The following ZFHX3 variants were observed in gnomAD, a reference collection of about 807,000 sequenced individuals.
The protein encoded by ZFHX3 is zinc finger homeobox 3.
In ZFHX3, 42 loss-of-function variants were observed where a neutral mutation model predicts 279.1. The ratio of observed to expected loss-of-function variants is 0.15; its 90% CI spans 0.12 to 0.19. The LOEUF (loss-of-function observed/expected upper bound fraction) is 0.19. ZFHX3 is among the 10% of genes least tolerant of loss of function. The pLI, the probability that ZFHX3 is intolerant of heterozygous loss-of-function variation, is 1.00. For missense variants in ZFHX3, 4,981 were observed against 4,754.0 expected (o/e 1.05, Z -1.40); for synonymous variants, 2,293 against 1,957.8 (o/e 1.17, Z -4.52).
chr16:73,535,027 C>A (rs952904833), intron 2 of ZFHX3, among the ~76,000 whole-genome samples: 3 of 151,770 alleles, frequency 2.0e-5, no homozygotes, highest in Non-Finnish European at 4.4e-5. Context: ...GCCTGACAAC[C>A]AACTCTTGAG....
intron 3 of ZFHX3, among the ~76,000 whole-genome samples, chr16:73,418,100 A>G (rs769018749): frequency 1.7e-4 from 26 of 152,204 alleles, no homozygotes; most frequent in Non-Finnish European, 2.6e-4. Flanking sequence ...TTCCTTCTAG[A>G]ACCTTCTAAA....
intron 1 of ZFHX3, among the ~76,000 whole-genome samples, chr16:73,684,097 T>G (rs374218373): frequency 6.6e-6 from 1 of 152,224 alleles, no homozygotes. Flanking sequence ...AGCTTGACAC[T>G]AGCCTGGGCA....
At chr16:72,852,682 A>G (rs2037647925) in intron 4 of ZFHX3, among the ~76,000 whole-genome samples, 2 of 152,176 alleles carry the variant, frequency 1.3e-5, no homozygotes, top group Non-Finnish European at 2.9e-5. Flanking sequence ...TCCTTTTATA[A>G]AAAGTTTCCT....
intron 3 of ZFHX3, among the ~76,000 whole-genome samples, chr16:73,369,089 G>T (rs1373287479): frequency 6.6e-6 from 1 of 152,190 alleles, no homozygotes; most frequent in Non-Finnish European, 1.5e-5. Context: ...GAAAAGCTCA[G>T]AACACAGTGC....
intron 1 of ZFHX3, among the ~76,000 whole-genome samples, chr16:73,835,134 C>G (rs1567425371): frequency 6.6e-6 from 1 of 152,140 alleles, no homozygotes; most frequent in African/African-American, 2.4e-5. Flanking sequence ...ACATCTGAAG[C>G]AGCTTCTGCA....
chr16:72,945,816 C>T (rs1252599918), intron 3 of ZFHX3, among the ~76,000 whole-genome samples: 2 of 151,982 alleles, frequency 1.3e-5, no homozygotes, highest in Non-Finnish European at 2.9e-5. Flanking sequence ...GGGACGGTCC[C>T]CAAAGGATGT....
At chr16:73,289,679 G>T (rs138237034) in intron 4 of ZFHX3, among the ~76,000 whole-genome samples, 8 of 152,210 alleles carry the variant, frequency 5.3e-5, no homozygotes, top group African/African-American at 1.2e-4. Flanking sequence ...TGCAAAGCCA[G>T]TGTGGCTGGT....
chr16:73,682,880 A>AAG lies in ZFHX3; in HGVS notation c.-1607-2642_-1607-2641dup, dbSNP rs1555532183. On this transcript the variant is annotated intron_variant, in intron 1 of 17. Coordinates refer to the ZFHX3 transcript ENST00000641206. ...AAAGAAAGAAAGAAAGAAAGAAAGAAAGAAAGAAAGAAAGAAAGAAAGAAA... is the reference window on the plus strand; with the variant it reads ...AAAGAAAGAAAGAAAGAAAGAAAGAAAGAGAAAGAAAGAAAGAAAGAAAGAAA... Among the ~76,000 whole-genome samples, 157 of 27,008 alleles carry AAG rather than the reference A, an allele frequency of 5.8e-3. 1 individual carries two copies. The highest frequency in any genetic ancestry group is 0.027 in the East Asian group (4 of 146). The allele number at this position is 27,008 out of a possible 152,430, so 17.7% of individuals were successfully genotyped here. A position where few individuals can be genotyped will look rare whatever the true frequency, so the allele number is the denominator to read the frequency against.
At chr16:73,478,782 GT>G (rs1225055621) in intron 2 of ZFHX3, among the ~76,000 whole-genome samples, 1 of 152,174 alleles carries the variant, frequency 6.6e-6, no homozygotes, top group African/African-American at 2.4e-5. Context: ...GCTGGGCGCG[GT>G]GGCTCCAGCC....
rs529830146 is a variant in ZFHX3, at chr16:73,276,177, C to CTT, written c.-1193-19043_-1193-19042dup. Among the ~76,000 whole-genome samples, 9 of 135,068 alleles carry CTT rather than the reference C, an allele frequency of 6.7e-5. No homozygotes were observed. In the South Asian group the frequency reaches 1.4e-3, roughly 21 times the overall value. 88.6% of individuals were successfully genotyped at this position (135,068 alleles called of 152,430 possible). A position where few individuals can be genotyped will look rare whatever the true frequency, so the allele number is the denominator to read the frequency against. On this transcript the variant is annotated intron_variant, in intron 4 of 17. Coordinates refer to the ZFHX3 transcript ENST00000641206. ...GTATTTCTTTTCTTCCTTTTTCTTT[C>CTT]TTTTTTTTTTTTTTTTCTTTTCTGA...
chr16:73,397,182 C>T (rs2017147943), intron 3 of ZFHX3, among the ~76,000 whole-genome samples: 1 of 152,192 alleles, frequency 6.6e-6, no homozygotes, highest in Non-Finnish European at 1.5e-5. Flanking sequence ...CAGTAAATAC[C>T]AAAGATAATC....
intron 1 of ZFHX3, among the ~76,000 whole-genome samples, chr16:73,770,138 G>A (rs767509172): frequency 1.1e-4 from 16 of 152,206 alleles, no homozygotes; most frequent in Non-Finnish European, 1.9e-4. Context: ...TGATGATAGC[G>A]AGATTATTCT....
At chr16:73,359,325 G>A (rs2016397040) in intron 3 of ZFHX3, among the ~76,000 whole-genome samples, 1 of 152,124 alleles carries the variant, frequency 6.6e-6, no homozygotes, top group Admixed American at 6.5e-5. Context: ...GAGAAGCAGA[G>A]GTAGGGACAC....
chr16:73,739,008 C>A (rs1470558343), intron 1 of ZFHX3, among the ~76,000 whole-genome samples: 1 of 152,154 alleles, frequency 6.6e-6, no homozygotes, highest in Non-Finnish European at 1.5e-5. Flanking sequence ...AATCCATAAC[C>A]CCTAGGCACC....
At chr16:73,765,899 A>C (rs1488126016) in intron 1 of ZFHX3, among the ~76,000 whole-genome samples, 1 of 152,184 alleles carries the variant, frequency 6.6e-6, no homozygotes. Context: ...GGCTTACGTG[A>C]GACTGGCTAC....
chr16:73,203,743 G>A (rs1435094895), intron 5 of ZFHX3, among the ~76,000 whole-genome samples: 1 of 152,178 alleles, frequency 6.6e-6, no homozygotes, highest in South Asian at 2.1e-4. Context: ...AGCACTTACT[G>A]CAGTATATAG....
intron 4 of ZFHX3, among the ~76,000 whole-genome samples, chr16:73,289,717 A>G (rs1010344645): frequency 1.3e-5 from 2 of 152,078 alleles, no homozygotes; most frequent in African/African-American, 4.8e-5. Flanking sequence ...GTGGTGGCTA[A>G]AGAGACAAAA....
intron 5 of ZFHX3, among the ~76,000 whole-genome samples, chr16:72,812,888 A>G (rs922166054): frequency 6.6e-6 from 1 of 152,214 alleles, no homozygotes; most frequent in Non-Finnish European, 1.5e-5. Flanking sequence ...ATGGAAAGGA[A>G]ACATTTCTTT....
At position 73,039,781 on chromosome 16, in the gene ZFHX3, C is replaced by A. The variant is rs146915104; in HGVS notation, c.-50+7971G>T. Among the ~76,000 whole-genome samples, 1,356 of 152,164 alleles carry A rather than the reference C, an allele frequency of 8.9e-3. 13 individuals are homozygous for A. Among genetic ancestry groups the A allele is most frequent in the African/African-American group, 0.03 (1,247 of 41,504 alleles). ...AACTCCTGAGGTCAGGCAATCCTGC[C>A]TAGGCCTACCAAAGTGCTGGGATTA... On this transcript the variant is annotated intron_variant, in intron 1 of 9. Transcript: ENST00000268489.
Sources: gnomAD v4.1 joint callset for allele counts (sites outside exome capture counted in the v4.1 genomes callset) on GRCh38, gnomAD v4.1.1 for gene constraint, MANE v1.5 for transcripts, NCBI Gene and HGNC (gene_info 2026-07-23, HGNC 2026-07-21) for gene names.